The following CLHC1 variants were observed in gnomAD, a reference collection of about 807,000 sequenced individuals.
The protein encoded by CLHC1 is clathrin heavy chain linker domain containing 1, also known as clathrin heavy chain linker domain-containing protein 1.
Under a neutral mutation model 69.5 loss-of-function variants are expected in CLHC1, and 72 were observed. That is an observed-to-expected ratio of 1.04 (90% CI 0.86 to 1.26). CLHC1 has a LOEUF of 1.26. Ranked by LOEUF, CLHC1 falls within the 50% of genes most tolerant of loss-of-function variation. The probability of loss-of-function intolerance (pLI) is 0.00; values close to 1 mark genes in which losing one functional copy is unlikely to be tolerated. For synonymous variants in CLHC1, 223 were observed against 224.3 expected (o/e 0.99, Z 0.05); for missense variants, 790 against 679.3 (o/e 1.16, Z -1.81).
intron 9 of CLHC1, among the ~76,000 whole-genome samples, chr2:55,192,325 G>A (rs1006162100): frequency 6.6e-5 from 10 of 152,032 alleles, no homozygotes; most frequent in Non-Finnish European, 1.2e-4. Context: ...TCACCATGTT[G>A]GCCAGGCTGG....
intron 9 of CLHC1, among the ~76,000 whole-genome samples, chr2:55,198,611 T>C (rs1397526542): frequency 6.6e-6 from 1 of 151,906 alleles, no homozygotes; most frequent in Non-Finnish European, 1.5e-5. Flanking sequence ...AAAAAAGGGA[T>C]AATACCAGAG....
At chr2:55,214,140 G>C (rs1673265618) in intron 4 of CLHC1, among the ~76,000 whole-genome samples, 1 of 152,186 alleles carries the variant, frequency 6.6e-6, no homozygotes, top group African/African-American at 2.4e-5. Flanking sequence ...AAAGGGTTCA[G>C]GAGAGCCTGA....
intron 2 of CLHC1, chr2:55,223,974 T>G (rs932232456): frequency 6.5e-6 from 1 of 152,698 alleles, no homozygotes; most frequent in Non-Finnish European, 1.5e-5. Context: ...TTTTGTATTT[T>G]TAGTAGAGAT....
chr2:55,214,507 C>CAAAAA (rs1673312446), intron 4 of CLHC1: 3 of 152,136 alleles, frequency 2.0e-5, no homozygotes, highest in Non-Finnish European at 2.9e-5. Flanking sequence ...GATTCCGTCT[C>CAAAAA]AAAAAATAAA....
chr2:55,214,680 G>A (rs1018254461), intron 4 of CLHC1: 1 of 152,108 alleles, frequency 6.6e-6, no homozygotes, highest in African/African-American at 2.4e-5. Flanking sequence ...AAATAGATTT[G>A]TGCTTATAAA....
intron 9 of CLHC1, among the ~76,000 whole-genome samples, chr2:55,185,634 T>C (rs1185208896): frequency 2.0e-5 from 3 of 152,182 alleles, no homozygotes; most frequent in East Asian, 1.9e-4. Flanking sequence ...ATCAATTTTG[T>C]TGAATGAAGA....
At position 55,207,292 on chromosome 2, in the gene CLHC1, C is replaced by G. The variant is rs567569898; in HGVS notation, c.900-916G>C. Among the ~76,000 whole-genome samples the G allele has an allele frequency of 1.2e-4, 19 of 152,290 alleles. No homozygotes were observed. The South Asian group carries it at 3.9e-3, about 32-fold the overall frequency. On this transcript the variant is annotated intron_variant, in intron 8 of 12. Coordinates refer to ENST00000401408, the MANE Select transcript of CLHC1 (RefSeq NM_152385.4). ...TTCCTATGGCAAAAGGTCTTCAAAT[C>G]AGTCCTTACCTCACAATTAATAAAA...
At chr2:55,178,933 A>T (rs1355230552) in intron 11 of CLHC1, among the ~76,000 whole-genome samples, 1 of 149,434 alleles carries the variant, frequency 6.7e-6, no homozygotes, top group Non-Finnish European at 1.5e-5. Flanking sequence ...TATTATTATT[A>T]TTATTATTAT....
intron 9 of CLHC1, among the ~76,000 whole-genome samples, chr2:55,196,955 AG>A (rs1175980218): frequency 6.6e-6 from 1 of 152,110 alleles, no homozygotes; most frequent in East Asian, 1.9e-4. Context: ...CCTGAACTAG[AG>A]GGGAGCCCAC....
rs769341612 is a variant in CLHC1 at position 55,181,629 on chromosome 2, G to C, written c.1122C>G (p.Ile374Met). 1.2e-6 allele frequency: 2 copies of C among 1,613,458 alleles called. No homozygotes were observed. Among genetic ancestry groups the C allele is most frequent in the East Asian group, 2.2e-5 (1 of 44,844 alleles). The change falls in exon 10 of 13, where the codon ATC (isoleucine) becomes ATG (methionine). Residue 374 changes from isoleucine to methionine, a missense_variant. Coordinates refer to ENST00000401408, the MANE Select transcript of CLHC1 (RefSeq NM_152385.4). The stretch of plus-strand genomic sequence containing the variant: ...ACCGTTTTTCTGATAATCCACATTT[G>C]ATTCCTTCCAGGGTTAGAGCTGCAT... ...PVDAALTLEG[I>M]KCGLSEKRLD...
intron 2 of CLHC1, 122 bp from the exon 3 acceptor site, chr2:55,222,615 C>T: frequency 2.2e-6 from 1 of 444,738 alleles, no homozygotes; most frequent in Admixed American, 3.9e-5. Context: ...AATACTTCAA[C>T]CTATGTATTA....
chr2:55,181,581 A>T lies in CLHC1; in HGVS notation c.1170T>A (p.Val390=), dbSNP rs750414623. ...TTAACTTTGCTTACCTTTCCTGTGT[A>T]ACCCAATTGGTAACTAAATCTAACC... ...EKRLDLVTNW[V]TQERLTFSEE... The change falls in exon 10 of 13, where the codon GTT becomes GTA. Residue 390 remains valine, a synonymous_variant. Transcript: ENST00000401408. The T allele has an allele frequency of 6.2e-7, 1 of 1,605,828 alleles. No homozygotes were observed. Among genetic ancestry groups the T allele is most frequent in the South Asian group, 1.1e-5 (1 of 88,876 alleles).
intron 9 of CLHC1, among the ~76,000 whole-genome samples, chr2:55,186,795 A>G (rs1670456678): frequency 6.6e-6 from 1 of 152,162 alleles, no homozygotes; most frequent in African/African-American, 2.4e-5. Flanking sequence ...ATATGTTTAA[A>G]ATTATTAGAA....
At chr2:55,194,774 T>C (rs1271838749) in intron 9 of CLHC1, among the ~76,000 whole-genome samples, 2 of 152,188 alleles carry the variant, frequency 1.3e-5, no homozygotes, top group Non-Finnish European at 2.9e-5. Flanking sequence ...TCTGTATATA[T>C]TTAAGGTCTA....
intron 9 of CLHC1, among the ~76,000 whole-genome samples, chr2:55,183,702 G>A (rs1670135456): frequency 6.6e-6 from 1 of 152,196 alleles, no homozygotes; most frequent in Non-Finnish European, 1.5e-5. Flanking sequence ...CCTAAAGCTT[G>A]TATAGTGCTT....
Position 55,174,580 on chromosome 2 carries a change from C to T in CLHC1, c.*1210G>A, listed in dbSNP as rs934501543. On this transcript the variant is annotated 3_prime_UTR_variant, in exon 13 of 13. Coordinates refer to ENST00000401408, the MANE Select transcript of CLHC1 (RefSeq NM_152385.4). ...ATTATCACTAATCCTCACAACAAGC[C>T]TAAGGAAGACTGCCCATATTTTATA... Among the ~76,000 whole-genome samples the T allele has an allele frequency of 7.9e-5, 12 of 152,128 alleles. No homozygotes were observed. Among genetic ancestry groups the T allele is most frequent in the African/African-American group, 2.9e-4 (12 of 41,424 alleles).
chr2:55,229,014 A>G (rs996057863), intron 1 of CLHC1, among the ~76,000 whole-genome samples: 2 of 152,128 alleles, frequency 1.3e-5, no homozygotes, highest in African/African-American at 4.8e-5. Context: ...AGCTGGGCGC[A>G]GGGGCTCACA....
At chr2:55,211,099 C>G (rs912776051) in intron 5 of CLHC1, among the ~76,000 whole-genome samples, 3 of 152,164 alleles carry the variant, frequency 2.0e-5, no homozygotes, top group African/African-American at 7.2e-5. Flanking sequence ...TTAATTTTAA[C>G]CAGTCCCTTA....
intron 9 of CLHC1, among the ~76,000 whole-genome samples, chr2:55,188,713 A>G: frequency 6.6e-6 from 1 of 152,172 alleles, no homozygotes. Context: ...CAGAACAGAT[A>G]AATACATTGT....
Sources: allele counts gnomAD v4.1 joint callset (sites outside exome capture counted in the v4.1 genomes callset), GRCh38; gene constraint gnomAD v4.1.1; transcripts MANE v1.5; gene names NCBI Gene and HGNC (gene_info 2026-07-23, HGNC 2026-07-21).